RASGRF2: variants seen among roughly 807,000 people sequenced by gnomAD.
RASGRF2 encodes the protein ras-specific guanine nucleotide-releasing factor 2.
A neutral mutation model predicts 151.0 loss-of-function variants in RASGRF2; 76 were observed. The observed-to-expected ratio is 0.50, with a 90% CI of 0.42 to 0.61. The LOEUF is 0.61. Among genes scored for constraint, RASGRF2 ranks in the 20% least tolerant of loss-of-function variants. The probability of loss-of-function intolerance (pLI) is 0.00; values close to 1 mark genes in which losing one functional copy is unlikely to be tolerated. For synonymous variants in RASGRF2, 504 were observed against 566.5 expected, an observed-to-expected ratio of 0.89 and a Z score of 1.57; for missense variants, 1,148 against 1,564.6, an observed-to-expected ratio of 0.73 and a Z score of 4.49.
At chr5:81,042,787 A>C (rs1245688300) in intron 1 of RASGRF2, 90 bp from the exon 2 acceptor site, 3 of 893,654 alleles carry the variant, frequency 3.4e-6, no homozygotes, top group Non-Finnish European at 5.2e-6. Flanking sequence ...CATTTTGTAA[A>C]TATGTACCCT....
intron 1 of RASGRF2, chr5:80,997,397 A>G (rs1245932770): frequency 6.6e-6 from 1 of 152,238 alleles, no homozygotes; most frequent in Non-Finnish European, 1.5e-5. Flanking sequence ...AGACTTCTTA[A>G]TACAGAAACA....
At chr5:81,070,248 T>G in intron 3 of RASGRF2, 1 of 395,362 alleles carries the variant, frequency 2.5e-6, no homozygotes. Context: ...CCAACATTTC[T>G]GCTAGCCCAG....
intron 18 of RASGRF2, among the ~76,000 whole-genome samples, chr5:81,189,462 A>T (rs1285599915): frequency 6.7e-6 from 1 of 149,162 alleles, no homozygotes; most frequent in Non-Finnish European, 1.5e-5. Context: ...ATGGTGTTTT[A>T]TGTTTTTTTT....
At chr5:81,118,155 C>A (rs1267104580) in intron 15 of RASGRF2, among the ~76,000 whole-genome samples, 1 of 152,204 alleles carries the variant, frequency 6.6e-6, no homozygotes, top group Non-Finnish European at 1.5e-5. Flanking sequence ...CTAGGCATTG[C>A]CCCAGTGAGG....
chr5:81,020,909 G>A (rs1299226611), intron 1 of RASGRF2, among the ~76,000 whole-genome samples: 3 of 152,178 alleles, frequency 2.0e-5, no homozygotes, highest in South Asian at 2.1e-4. Flanking sequence ...TTGCCCATGA[G>A]GAAACTCAGG....
At chr5:81,139,519 C>T (rs1381439649) in intron 17 of RASGRF2, among the ~76,000 whole-genome samples, 1 of 151,588 alleles carries the variant, frequency 6.6e-6, no homozygotes, top group Non-Finnish European at 1.5e-5. Context: ...TGCCACCACA[C>T]ACACTAAAAT....
At chr5:81,062,008 A>AC (rs1315436668) in intron 2 of RASGRF2, among the ~76,000 whole-genome samples, 27 of 143,528 alleles carry the variant, frequency 1.9e-4, no homozygotes, top group African/African-American at 4.8e-4. Flanking sequence ...AAAAAAAAAA[A>AC]AAAAAAAAAA....
intron 18 of RASGRF2, among the ~76,000 whole-genome samples, chr5:81,184,783 A>G (rs1365286246): frequency 6.6e-6 from 1 of 152,202 alleles, no homozygotes; most frequent in Non-Finnish European, 1.5e-5. Flanking sequence ...CACCTCCTTG[A>G]TTCATTCACT....
At chr5:81,047,544 G>A (rs1750876198) in intron 2 of RASGRF2, among the ~76,000 whole-genome samples, 1 of 152,194 alleles carries the variant, frequency 6.6e-6, no homozygotes. Flanking sequence ...TCCCCTCAGG[G>A]TGTATCTTGA....
At chr5:81,145,924 A>G (rs151337790) in intron 17 of RASGRF2, among the ~76,000 whole-genome samples, 16 of 152,370 alleles carry the variant, frequency 1.1e-4, no homozygotes, top group African/African-American at 3.4e-4. Context: ...CACAGTAGCC[A>G]GTAAACTTTG....
chr5:81,046,611 T>C lies in RASGRF2; in HGVS notation c.395+3628T>C, dbSNP rs114107990. On this transcript the variant is annotated intron_variant, in intron 2 of 26. Coordinates refer to ENST00000265080, the MANE Select transcript of RASGRF2 (RefSeq NM_006909.3). Reference sequence around the variant, plus strand: ...TTGAGTTGAGGCCAGAGCCTTTTCATAGTAGTTAAGTCTATGCTTATTTTA... The same window carrying C: ...TTGAGTTGAGGCCAGAGCCTTTTCACAGTAGTTAAGTCTATGCTTATTTTA... 5.1e-3 allele frequency among the ~76,000 whole-genome samples: 771 copies of C among 152,244 alleles called. 2 individuals are homozygous for C. Among genetic ancestry groups the C allele is most frequent in the Middle Eastern group, 0.014 (4 of 294 alleles).
chr5:81,057,725 T>C (rs1751272192), intron 2 of RASGRF2, among the ~76,000 whole-genome samples: 1 of 152,146 alleles, frequency 6.6e-6, no homozygotes, highest in African/African-American at 2.4e-5. Flanking sequence ...CAGGGCACAG[T>C]GGCTCGTGCC....
intron 19 of RASGRF2, among the ~76,000 whole-genome samples, chr5:81,206,595 A>G (rs148354375): frequency 2.2e-3 from 342 of 152,270 alleles, no homozygotes; most frequent in African/African-American, 7.7e-3. Context: ...TGGTTGTTTC[A>G]TTTACAACCT....
At chr5:80,972,373 G>A (rs775653585) in intron 1 of RASGRF2, among the ~76,000 whole-genome samples, 7 of 152,174 alleles carry the variant, frequency 4.6e-5, no homozygotes, top group Non-Finnish European at 8.8e-5. Context: ...TTAGTTGTAA[G>A]CATTCTAATA....
chr5:81,134,815 T>C (rs1753714810), intron 17 of RASGRF2, among the ~76,000 whole-genome samples: 1 of 152,208 alleles, frequency 6.6e-6, no homozygotes, highest in Non-Finnish European at 1.5e-5. Context: ...TAATTGATGT[T>C]GTTCCAAGTT....
chr5:81,003,897 T>C (rs999551681), intron 1 of RASGRF2, among the ~76,000 whole-genome samples: 26 of 152,150 alleles, frequency 1.7e-4, no homozygotes, highest in Admixed American at 1.6e-3. Context: ...CCTTCTGAAA[T>C]GTTTACAGTT....
chr5:80,988,443 A>G (rs551001258), intron 1 of RASGRF2, among the ~76,000 whole-genome samples: 2 of 152,298 alleles, frequency 1.3e-5, no homozygotes, highest in Admixed American at 6.5e-5. Context: ...GTACCATTCT[A>G]TGAAGGTTGT....
Position 81,201,339 on chromosome 5 carries a change from C to T in RASGRF2, c.2803C>T (p.Leu935Phe), listed in dbSNP as rs1365394196. Residue 935 changes from leucine to phenylalanine, a missense_variant, in exon 19 of 27, where the codon CTC becomes TTC. Physicochemically the swap from Leu to Phe is conservative, Grantham distance 22 (BLOSUM62 0). Coordinates refer to ENST00000265080, the MANE Select transcript of RASGRF2 (RefSeq NM_006909.3). Reference sequence around the variant, plus strand: ...TCATTTTATTTTACAGGATTTCGAACTCAACAATGAACTAAAGATGAATGT... The same window carrying T: ...TCATTTTATTTTACAGGATTTCGAATTCAACAATGAACTAAAGATGAATGT... ...WVSKHAQDFE[L>F]NNELKMNVLN... The T allele has an allele frequency of 5.6e-6, 9 of 1,610,234 alleles. No homozygotes were observed. The Admixed American group carries it at 1.4e-4, about 24-fold the overall frequency.
chr5:81,152,641 C>G (rs539538488), intron 17 of RASGRF2, among the ~76,000 whole-genome samples: 15 of 152,262 alleles, frequency 9.9e-5, no homozygotes, highest in Non-Finnish European at 1.8e-4. Context: ...GTGAGGAGCT[C>G]AGCAAATTTC....
Sources: gnomAD v4.1 joint callset for allele counts (sites outside exome capture counted in the v4.1 genomes callset) on GRCh38, gnomAD v4.1.1 for gene constraint, MANE v1.5 for transcripts, NCBI Gene and HGNC (gene_info 2026-07-23, HGNC 2026-07-21) for gene names.